TTC7A: variants seen among roughly 807,000 people sequenced by gnomAD.
The protein encoded by TTC7A is tetratricopeptide repeat protein 7A.
Under a neutral mutation model 103.7 loss-of-function variants are expected in TTC7A, and 110 were observed. The observed-to-expected ratio is 1.06, with a 90% CI of 0.91 to 1.24. TTC7A has a LOEUF of 1.24. TTC7A is among the 50% of genes most tolerant of loss of function. TTC7A has a pLI of 0.00. For missense variants in TTC7A, 1,340 were observed against 1,116.3 expected, an observed-to-expected ratio of 1.20 and a Z score of -2.86; for synonymous variants, 521 against 467.9, an observed-to-expected ratio of 1.11 and a Z score of -1.47.
chr2:47,053,515 G>A (rs1260276484), intron 18 of TTC7A, among the ~76,000 whole-genome samples: 1 of 148,508 alleles, frequency 6.7e-6, no homozygotes, highest in Admixed American at 6.8e-5. Context: ...TGGTGGGCGG[G>A]TTTTTGGTGG....
intron 9 of TTC7A, 117 bp downstream of exon 9, chr2:47,006,176 G>A (rs1346850642): frequency 2.0e-5 from 28 of 1,366,678 alleles, no homozygotes; most frequent in East Asian, 9.5e-5. Context: ...CTGCTCTGCC[G>A]CTTTGACCTC....
rs1361238141 is a variant in TTC7A at position 47,051,871 on chromosome 2, C to A, written c.2143C>A (p.Leu715Met). 1 of 1,609,608 alleles carries A rather than the reference C, an allele frequency of 6.2e-7. No homozygotes were observed. Among genetic ancestry groups the A allele is most frequent in the Non-Finnish European group, 8.5e-7 (1 of 1,178,336 alleles). Reference sequence around the variant, plus strand: ...GTGGACCACGCTGGAACAGATCTGGCTGCAGGCTGGTGAGTGCCCTGGTCC... The same window carrying A: ...GTGGACCACGCTGGAACAGATCTGGATGCAGGCTGGTGAGTGCCCTGGTCC... ...QLWTTLEQIW[L>M]QAAELFMEQQ... Residue 715 changes from leucine (L) to methionine (M), a missense_variant, in exon 18 of 20, where the codon CTG becomes ATG. Coordinates refer to ENST00000319190, the MANE Select transcript of TTC7A (RefSeq NM_020458.4).
rs921497185 is a variant in TTC7A at position 47,074,352 on chromosome 2, A to G, written c.*429A>G. The G allele has an allele frequency of 6.0e-6, 1 of 165,988 alleles. No individual in the cohort carries two copies. Among genetic ancestry groups the G allele is most frequent in the Middle Eastern group, 3.0e-3 (1 of 332 alleles). The allele number at this position is 165,988 out of a possible 1,614,324, so 10.3% of individuals were successfully genotyped here. A position where few individuals can be genotyped will look rare whatever the true frequency, so the allele number is the denominator to read the frequency against. On this transcript the variant is annotated 3_prime_UTR_variant, in exon 20 of 20. Coordinates refer to ENST00000319190, the MANE Select transcript of TTC7A (RefSeq NM_020458.4). ...TCACAATGTGAAGAAACTGCGGGCAAGTGGGAAGACTATGAGATTTCTGGG... is the reference window on the plus strand; with the variant it reads ...TCACAATGTGAAGAAACTGCGGGCAGGTGGGAAGACTATGAGATTTCTGGG...
rs1311427584 is a variant in TTC7A at position 46,941,282 on chromosome 2, C to G, written c.-260C>G. 7.2e-5 allele frequency: 12 copies of G among 166,946 alleles called. No homozygotes were observed. In the Admixed American group the frequency reaches 7.7e-4, roughly 11 times the overall value. 10.3% of individuals were successfully genotyped at this position (166,946 alleles called of 1,614,324 possible). On this transcript the variant is annotated 5_prime_UTR_variant, in exon 1 of 20. Transcript: ENST00000319190. This position sits in a 1 kb window ranked among gnomAD's most constrained non-coding sequence, Gnocchi z 4.2. Reference sequence around the variant, plus strand: ...GCGCCAGGAGCTGCTACAGCAGAGGCGGAGGTTGCTCCTGTACGCGTACGG... The same window carrying G: ...GCGCCAGGAGCTGCTACAGCAGAGGGGGAGGTTGCTCCTGTACGCGTACGG...
chr2:46,982,376 GA>G (rs1033617812), intron 5 of TTC7A, among the ~76,000 whole-genome samples: 66 of 140,600 alleles, frequency 4.7e-4, no homozygotes, highest in Non-Finnish European at 3.9e-4. Context: ...CCTCTGTCAA[GA>G]AAAAAAAAAA....
At chr2:47,049,449 C>T (rs371356041) in intron 16 of TTC7A, among the ~76,000 whole-genome samples, 1 of 152,132 alleles carries the variant, frequency 6.6e-6, no homozygotes, top group African/African-American at 2.4e-5. Context: ...AGATCTGCCA[C>T]CCCAGGGGCC....
rs748315468 is a variant in TTC7A, at chr2:47,053,530, T to TTTTGTTTG, written c.2152+1659_2152+1666dup. ...TGGTGGGCGGGTTTTTGGTGGGTTTTTTTGTTTGTTTGTTTGGTTGGTTGG... is the reference window on the plus strand; with the variant it reads ...TGGTGGGCGGGTTTTTGGTGGGTTTTTTTGTTTGTTTGTTTGTTTGTTTGGTTGGTTGG... On this transcript the variant is annotated intron_variant, in intron 18 of 19. Transcript: ENST00000319190. 1.6e-3 allele frequency among the ~76,000 whole-genome samples: 220 copies of TTTTGTTTG among 138,842 alleles called. 2 individuals are homozygous for TTTTGTTTG. The highest frequency in any genetic ancestry group is 3.6e-3 in the Middle Eastern group (1 of 280). The allele number at this position is 138,842 out of a possible 152,430, so 91.1% of individuals were successfully genotyped here. A position where few individuals can be genotyped will look rare whatever the true frequency, so the allele number is the denominator to read the frequency against.
At chr2:47,002,766 A>G (rs956872581) in intron 8 of TTC7A, among the ~76,000 whole-genome samples, 3 of 151,534 alleles carry the variant, frequency 2.0e-5, no homozygotes, top group Admixed American at 6.6e-5. Flanking sequence ...CCCTGTTGCC[A>G]TGGTTACACA....
intron 1 of TTC7A, chr2:46,917,084 C>T (rs1417744515): frequency 1.8e-5 from 12 of 675,308 alleles, no homozygotes; most frequent in Middle Eastern, 3.8e-4. Flanking sequence ...CTGCCATTGA[C>T]GGTCTCATTC....
chr2:46,990,994 C>T (rs943622119), intron 5 of TTC7A, among the ~76,000 whole-genome samples: 11 of 152,098 alleles, frequency 7.2e-5, no homozygotes, highest in Middle Eastern at 3.2e-3. Flanking sequence ...CTCACTGCAA[C>T]CTCAGCCTCC....
intron 8 of TTC7A, among the ~76,000 whole-genome samples, chr2:47,004,731 C>T (rs757286162): frequency 6.6e-6 from 1 of 151,944 alleles, no homozygotes; most frequent in Non-Finnish European, 1.5e-5. Context: ...CACAGCTCTG[C>T]CCAGCTCCCG....
intron 2 of TTC7A, among the ~76,000 whole-genome samples, chr2:46,919,016 G>C (rs1668959742): frequency 6.6e-6 from 1 of 152,154 alleles, no homozygotes; most frequent in African/African-American, 2.4e-5. Flanking sequence ...AGATAGGACG[G>C]CCATCCCAAG....
At position 46,958,415 on chromosome 2, in the gene TTC7A, C is replaced by T. The variant is rs1173511717; in HGVS notation, c.517+1408C>T. The T allele has an allele frequency of 2.0e-5, 23 of 1,137,792 alleles. No individual in the cohort carries two copies. In the South Asian group the frequency reaches 2.6e-4, roughly 13 times the overall value. 70.5% of individuals were successfully genotyped at this position (1,137,792 alleles called of 1,614,324 possible). ...ACGCCCTGAGCGGAACCCCCTTCCT[C>T]GGGCTTCCTTTCCGGGACTTTCTCC... On this transcript the variant is annotated intron_variant, in intron 3 of 19. Transcript: ENST00000319190.
intron 19 of TTC7A, chr2:47,071,250 T>A (rs994424268): frequency 3.9e-5 from 6 of 152,206 alleles, no homozygotes; most frequent in African/African-American, 1.4e-4. Context: ...GAAGATCCTG[T>A]TACAGGCCCT....
chr2:46,936,692 A>G (rs188403815), upstream of TTC7A, among the ~76,000 whole-genome samples: 1 of 152,306 alleles, frequency 6.6e-6, no homozygotes, highest in East Asian at 1.9e-4. Context: ...AGACAGCATC[A>G]TCATTTCCCC....
chr2:47,037,407 C>A (rs1032055866), intron 15 of TTC7A, among the ~76,000 whole-genome samples: 1 of 152,200 alleles, frequency 6.6e-6, no homozygotes, highest in African/African-American at 2.4e-5. Flanking sequence ...TTGGGGATCT[C>A]ACAGCCAGAG....
rs77613811 is a variant in TTC7A at position 47,071,609 on chromosome 2, G to A, written c.2356-2093G>A. Among the ~76,000 whole-genome samples, 1,022 of 152,304 alleles carry A rather than the reference G, an allele frequency of 6.7e-3. 10 individuals are homozygous for A. Among genetic ancestry groups the A allele is most frequent in the African/African-American group, 0.023 (972 of 41,558 alleles). ...CTCAGAGAAAGTTGGCCATTTGCCCGTGGTCACAGCACTTGTCAGTGGCAG... is the reference window on the plus strand; with the variant it reads ...CTCAGAGAAAGTTGGCCATTTGCCCATGGTCACAGCACTTGTCAGTGGCAG... On this transcript the variant is annotated intron_variant, in intron 19 of 19. Coordinates refer to ENST00000319190, the MANE Select transcript of TTC7A (RefSeq NM_020458.4).
chr2:46,960,426 G>A (rs565879654), intron 3 of TTC7A, among the ~76,000 whole-genome samples: 9 of 152,306 alleles, frequency 5.9e-5, no homozygotes, highest in African/African-American at 2.2e-4. Context: ...GAAACATGGG[G>A]TACAGACCCA....
intron 15 of TTC7A, among the ~76,000 whole-genome samples, chr2:47,032,633 A>AG (rs1680680150): frequency 2.0e-5 from 3 of 151,816 alleles, no homozygotes; most frequent in Admixed American, 2.0e-4. Context: ...CCCCACCCCC[A>AG]GTAGTGCCTC....
Sources: allele counts gnomAD v4.1 joint callset (sites outside exome capture counted in the v4.1 genomes callset), GRCh38; gene constraint gnomAD v4.1.1; non-coding constraint Gnocchi (gnomAD v3.1); transcripts MANE v1.5; gene names NCBI Gene and HGNC (gene_info 2026-07-23, HGNC 2026-07-21).